ZFC3H1: variants seen among roughly 807,000 people sequenced by gnomAD.
ZFC3H1 encodes zinc finger C3H1 domain-containing protein.
ZFC3H1 carries 71 observed loss-of-function variants against 243.7 expected under a neutral mutation model. That is an observed-to-expected ratio of 0.29 (90% CI 0.24 to 0.36). The LOEUF is 0.36. ZFC3H1 is among the 10% of genes least tolerant of loss of function. The pLI is 1.00. For missense variants in ZFC3H1, 1,966 were observed against 2,317.1 expected, an observed-to-expected ratio of 0.85 and a Z score of 3.11; for synonymous variants, 838 against 813.0, an observed-to-expected ratio of 1.03 and a Z score of -0.52.
intron 1 of ZFC3H1, among the ~76,000 whole-genome samples, chr12:71,658,282 AT>A (rs11454442): frequency 0.035 from 3,268 of 92,668 alleles, 39 homozygotes; most frequent in African/African-American, 0.096. Flanking sequence ...TCATTTATAG[AT>A]TTTTTTTTTT....
Position 71,632,138 on chromosome 12 carries a change from T to C in ZFC3H1, c.3194A>G (p.Asn1065Ser). The C allele has an allele frequency of 1.2e-6, 2 of 1,609,562 alleles. No individual in the cohort carries two copies. The highest frequency in any genetic ancestry group is 1.7e-6 in the Non-Finnish European group (2 of 1,178,804). ...ATTAAGTTTGTTTATGCATTCTTTG[T>C]TAGCAGTATCAGTGTGCTTAAGGTT... ...KPNLKHTDTA[N>S]KECINKLNKN... is the part of the protein sequence containing the mutation. Residue 1065 changes from asparagine (N) to serine (S), a missense_variant, in exon 15 of 35, where the codon AAC (asparagine) becomes AGC (serine). This residue lies in a region of ZFC3H1 where 1,383 missense variants were observed against 1,723.7 expected (regional missense o/e 0.80). Transcript: ENST00000378743.
chr12:71,619,740 T>G (rs746839167), intron 26 of ZFC3H1, among the ~76,000 whole-genome samples, 186 bp downstream of exon 26: 1 of 152,064 alleles, frequency 6.6e-6, no homozygotes, highest in Non-Finnish European at 1.5e-5. Context: ...AAGTTTAGTA[T>G]AGTATATATT....
At chr12:71,616,547 G>A (rs1027095291) in intron 27 of ZFC3H1, among the ~76,000 whole-genome samples, 1 of 152,234 alleles carries the variant, frequency 6.6e-6, no homozygotes, top group Middle Eastern at 3.4e-3. Context: ...ACTCTAAGAA[G>A]TCAATCAGTA....
At chr12:71,652,909 C>T (rs1466831699) in intron 2 of ZFC3H1, among the ~76,000 whole-genome samples, 2 of 145,944 alleles carry the variant, frequency 1.4e-5, no homozygotes, top group Non-Finnish European at 3.0e-5. Context: ...CTGGGGAATG[C>T]ATCTTTGTCC....
chr12:71,619,334 T>A lies in ZFC3H1; in HGVS notation c.5125A>T (p.Asn1709Tyr). The change falls in exon 27 of 35, where the codon AAT (asparagine) becomes TAT (tyrosine). Residue 1709 changes from asparagine to tyrosine, a missense_variant. Physicochemically the swap from Asn to Tyr is moderately radical, Grantham distance 143 (BLOSUM62 -2). This residue lies in a region of ZFC3H1 where 1,383 missense variants were observed against 1,723.7 expected (regional missense o/e 0.80). Transcript: ENST00000378743. ...SFFKPGFEKYNNLDLFRYLLN... is the reference protein window; with the variant it reads ...SFFKPGFEKYYNLDLFRYLLN... Reference sequence around the variant, plus strand: ...ACTTACCGAAACAGATCCAAGTTATTATACTTCTCAAACCCCGGTTTAAAG... The same window carrying A: ...ACTTACCGAAACAGATCCAAGTTATAATACTTCTCAAACCCCGGTTTAAAG... 1 of 1,613,742 alleles carries A rather than the reference T, an allele frequency of 6.2e-7. No individual in the cohort carries two copies.
intron 11 of ZFC3H1, 144 bp from the exon 12 acceptor site, chr12:71,634,448 G>C: frequency 9.0e-7 from 1 of 1,116,922 alleles, no homozygotes; most frequent in Non-Finnish European, 1.2e-6. Flanking sequence ...ACCCAAGTCA[G>C]CATTCAAAGT....
At chr12:71,635,087 G>T (rs866702380) in intron 10 of ZFC3H1, among the ~76,000 whole-genome samples, 1 of 152,072 alleles carries the variant, frequency 6.6e-6, no homozygotes, top group African/African-American at 2.4e-5. Context: ...GGGAAAAAAC[G>T]ATAAAAGTTG....
At chr12:71,630,081 T>G (rs1341271033) in intron 18 of ZFC3H1, among the ~76,000 whole-genome samples, 1 of 152,186 alleles carries the variant, frequency 6.6e-6, no homozygotes, top group Non-Finnish European at 1.5e-5. Flanking sequence ...TAGCTTGAGG[T>G]TTATTACTTG....
intron 12 of ZFC3H1, among the ~76,000 whole-genome samples, 191 bp from the exon 13 acceptor site, chr12:71,633,629 G>A (rs570405853): frequency 7.2e-5 from 11 of 151,990 alleles, no homozygotes; most frequent in East Asian, 1.9e-4. Context: ...ACTGATAATA[G>A]TAACTATGAG....
Position 71,634,317 on chromosome 12 carries a change from A to G in ZFC3H1, c.2361-13T>C, listed in dbSNP as rs994941137. Reference sequence around the variant, plus strand: ...CTGTTTCTCACGGCTAAAATTATCAAAAAGGATATATGCATTACACCCAAG... The same window carrying G: ...CTGTTTCTCACGGCTAAAATTATCAGAAAGGATATATGCATTACACCCAAG... On this transcript the variant is annotated splice_polypyrimidine_tract_variant and intron_variant, in intron 11 of 34. Coordinates refer to ENST00000378743, the MANE Select transcript of ZFC3H1 (RefSeq NM_144982.5). 2 of 1,611,760 alleles carry G rather than the reference A, an allele frequency of 1.2e-6. No homozygotes were observed. Among genetic ancestry groups the G allele is most frequent in the African/African-American group, 2.7e-5 (2 of 74,866 alleles).
rs761959539 is a variant in ZFC3H1 at position 71,663,342 on chromosome 12, C to T, written c.269G>A (p.Arg90Gln). The change falls in exon 1 of 35, where the codon CGG (arginine) becomes CAG (glutamine). Residue 90 changes from arginine to glutamine, a missense_variant. Arg to Gln is a conservative substitution (Grantham distance 43). Transcript: ENST00000378743. ...QQQLRNFSRS[R>Q]HASERGHLRG... is the part of the protein sequence containing the mutation. ...GAGGTGGCCCCGCTCAGACGCGTGC[C>T]GCGAGCGTGAGAAATTCCTCAGCTG... 8.7e-6 allele frequency: 14 copies of T among 1,613,180 alleles called. No homozygotes were observed. Among genetic ancestry groups the T allele is most frequent in the Admixed American group, 6.7e-5 (4 of 60,026 alleles).
intron 27 of ZFC3H1, among the ~76,000 whole-genome samples, chr12:71,617,608 C>T (rs17110005): frequency 0.031 from 4,774 of 152,254 alleles, 213 homozygotes; most frequent in African/African-American, 0.11. Context: ...GTGCCCAAGA[C>T]CAGAACCAGC....
chr12:71,639,455 A>G, intron 6 of ZFC3H1: 1 of 213,114 alleles, frequency 4.7e-6, no homozygotes, highest in East Asian at 1.5e-4. Flanking sequence ...CTGCCCCATG[A>G]ACATTTGAAT....
At position 71,630,521 on chromosome 12, in the gene ZFC3H1, A is replaced by G. The variant is rs1880296660; in HGVS notation, c.3724+79T>C. 4.0e-6 allele frequency: 6 copies of G among 1,507,850 alleles called. No homozygotes were observed. The South Asian group carries it at 7.7e-5, about 19-fold the overall frequency. The allele number at this position is 1,507,850 out of a possible 1,614,324, so 93.4% of individuals were successfully genotyped here. A position where few individuals can be genotyped will look rare whatever the true frequency, so the allele number is the denominator to read the frequency against. ...ACTGAATTATAGTAAGTATTTTACA[A>G]TGTCAACAACTAATATAGAATTTTT... On this transcript the variant is annotated intron_variant, in intron 18 of 34. Transcript: ENST00000378743.
chr12:71,620,059 A>G lies in ZFC3H1; in HGVS notation c.4916T>C (p.Leu1639Pro). 1 of 1,613,958 alleles carries G rather than the reference A, an allele frequency of 6.2e-7. No homozygotes were observed. The highest frequency in any genetic ancestry group is 8.5e-7 in the Non-Finnish European group (1 of 1,179,976). Residue 1639 changes from leucine to proline, a missense_variant, in exon 26 of 35, where the codon CTG becomes CCG. This residue lies in a region of ZFC3H1 where 1,383 missense variants were observed against 1,723.7 expected (regional missense o/e 0.80). Coordinates refer to ENST00000378743, the MANE Select transcript of ZFC3H1 (RefSeq NM_144982.5). ...CAAATATAATGCAACAAGAGCTTCCAGCAACTGGCAGTTAATAGGACATGA... is the reference window on the plus strand; with the variant it reads ...CAAATATAATGCAACAAGAGCTTCCGGCAACTGGCAGTTAATAGGACATGA... ...LESCPINCQL[L>P]EALVALYLQT...
intron 2 of ZFC3H1, among the ~76,000 whole-genome samples, chr12:71,652,574 A>G (rs779373190): frequency 4.6e-5 from 7 of 152,212 alleles, no homozygotes; most frequent in African/African-American, 7.2e-5. Flanking sequence ...TTCCAGATGT[A>G]TATCAAACAT....
chr12:71,631,140 G>C (rs1423507745), intron 16 of ZFC3H1, among the ~76,000 whole-genome samples, 186 bp from the exon 17 acceptor site: 1 of 151,970 alleles, frequency 6.6e-6, no homozygotes. Flanking sequence ...ATAGAAACAA[G>C]TTGCTTTTAT....
In ZFC3H1 at chr12:71,624,247, C is replaced by A; in HGVS notation, c.4363G>T (p.Glu1455Ter). 6.2e-7 allele frequency: 1 copy of A among 1,613,788 alleles called. No individual in the cohort carries two copies. Among genetic ancestry groups the A allele is most frequent in the Non-Finnish European group, 8.5e-7 (1 of 1,179,792 alleles). ...STFEEKDYVC[E>*]RMLEFLMGAA... is the part of the protein sequence containing the mutation. ...CCCATCAGAAACTCCAACATTCTCT[C>A]ACATACGTAATCCTTTTCTTCAAAG... Residue 1455 changes from glutamate (E) to a stop codon, truncating the protein, a stop_gained, in exon 23 of 35, where the codon GAG becomes TAG. Coordinates refer to ENST00000378743, the MANE Select transcript of ZFC3H1 (RefSeq NM_144982.5). LOFTEE classifies it high-confidence loss of function.
intron 2 of ZFC3H1, chr12:71,656,443 T>C (rs1881020878): frequency 5.0e-6 from 3 of 595,100 alleles, no homozygotes. Flanking sequence ...CAAATTAAAA[T>C]AAATTAGATG....
Sources: allele counts gnomAD v4.1 joint callset (sites outside exome capture counted in the v4.1 genomes callset), GRCh38; gene constraint gnomAD v4.1.1; regional missense constraint gnomAD v4.1.1; transcripts MANE v1.5; gene names NCBI Gene and HGNC (gene_info 2026-07-23, HGNC 2026-07-21).